Variants in ANK3 observed in about 807,000 individuals in gnomAD.
ANK3 encodes ankyrin 3.
Under a neutral mutation model 370.9 loss-of-function variants are expected in ANK3, and 57 were observed. That is an observed-to-expected ratio of 0.15 (90% confidence interval 0.12 to 0.19). The LOEUF (loss-of-function observed/expected upper bound fraction) is 0.19, where lower values mean the gene tolerates loss of function less well. ANK3 is among the 10% of genes least tolerant of loss of function. The pLI, the probability that ANK3 is intolerant of heterozygous loss-of-function variation, is 1.00. For missense variants in ANK3, 4,439 were observed against 5,302.1 expected (o/e 0.84, Z 5.06); for synonymous variants, 1,929 against 1,946.3 (o/e 0.99, Z 0.23).
Position 60,389,572 on chromosome 10 carries a change from G to C in ANK3, c.-34C>G. 1 of 1,609,036 alleles carries C rather than the reference G, an allele frequency of 6.2e-7. No individual in the cohort carries two copies. Among genetic ancestry groups the C allele is most frequent in the Non-Finnish European group, 8.5e-7 (1 of 1,178,626 alleles). The stretch of plus-strand genomic sequence containing the variant: ...TAAAAAGATCCTCTCAAGCACACAC[G>C]GCTTCCTTGTAAAAGGTGATATCCT... On this transcript the variant is annotated 5_prime_UTR_variant, in exon 1 of 44. Transcript: ENST00000280772.
At chr10:60,234,620 A>G in intron 8 of ANK3, 68 bp downstream of exon 8, 1 of 902,734 alleles carries the variant, frequency 1.1e-6, no homozygotes. Context: ...ATCAGTGCAA[A>G]GGTATCAGGA....
chr10:60,476,219 AT>A (rs1454838784), intron 2 of ANK3, among the ~76,000 whole-genome samples: 1 of 152,132 alleles, frequency 6.6e-6, no homozygotes, highest in Non-Finnish European at 1.5e-5. Context: ...GAAGTTCCAA[AT>A]TTTTTCTCCA....
At chr10:60,572,766 T>C in intron 2 of ANK3, 8 of 1,270,744 alleles carry the variant, frequency 6.3e-6, no homozygotes, top group Non-Finnish European at 7.9e-6. Flanking sequence ...AAACAGTCAA[T>C]TATTCTTCTA....
In ANK3 at chr10:60,084,738, T is replaced by G; in HGVS notation, c.3938A>C (p.Lys1313Thr). The G allele has an allele frequency of 1.9e-6, 3 of 1,613,636 alleles. 1 individual carries two copies. The highest frequency in any genetic ancestry group is 2.5e-6 in the Non-Finnish European group (3 of 1,179,820). ...RELICVPYMAKFVVFAKMNDP... is the reference protein window; with the variant it reads ...RELICVPYMATFVVFAKMNDP... ...ATTCATTTTGGCAAAAACAACAAAC[T>G]TGGCCATATATGGAACACATATCAA... The change falls in exon 32 of 44, where the codon AAG (lysine) becomes ACG (threonine). Residue 1313 changes from lysine to threonine, a missense_variant. Lys to Thr is a moderately conservative substitution (Grantham distance 78). Transcript: ENST00000280772.
In ANK3 at chr10:60,395,952, G is replaced by A. The variant is rs184961785; in HGVS notation, c.97-116313C>T. ...TGCTTTCTAGGTCAGATCTCTTTTC[G>A]CTACCCATGAAACTTACAATTTCAC... On this transcript the variant is annotated intron_variant, in intron 2 of 43. Coordinates refer to the ANK3 transcript ENST00000373827. 1.3e-3 allele frequency among the ~76,000 whole-genome samples: 205 copies of A among 152,174 alleles called. 2 individuals are homozygous for A. The highest frequency in any genetic ancestry group is 7.7e-3 in the Admixed American group (117 of 15,286).
rs1049118463 is a variant in ANK3 at position 60,571,375 on chromosome 10, G to A, written c.96+43811C>T. On this transcript the variant is annotated intron_variant, in intron 2 of 43. Coordinates refer to the ANK3 transcript ENST00000373827. ...TTTTAATTAATAATAAACAGATTATGAACATTTTTTTAAACGCCTGATATA... is the reference window on the plus strand; with the variant it reads ...TTTTAATTAATAATAAACAGATTATAAACATTTTTTTAAACGCCTGATATA... Among the ~76,000 whole-genome samples the A allele has an allele frequency of 3.3e-5, 5 of 152,132 alleles. No homozygotes were observed. The East Asian group carries it at 7.7e-4, about 23-fold the overall frequency.
chr10:60,720,560 C>A (rs1002998321), intron 1 of ANK3, among the ~76,000 whole-genome samples: 11 of 152,136 alleles, frequency 7.2e-5, no homozygotes, highest in African/African-American at 2.7e-4. Flanking sequence ...AACACATTTG[C>A]AAAATCTTAT....
intron 1 of ANK3, among the ~76,000 whole-genome samples, chr10:60,339,771 G>A (rs556169614): frequency 2.0e-5 from 3 of 152,166 alleles, no homozygotes; most frequent in Non-Finnish European, 4.4e-5. Context: ...AGAAGTGGAG[G>A]TAAAAATACT....
At chr10:60,167,974 C>T (rs1278258693) in intron 21 of ANK3, among the ~76,000 whole-genome samples, 1 of 152,076 alleles carries the variant, frequency 6.6e-6, no homozygotes, top group Non-Finnish European at 1.5e-5. Flanking sequence ...ATAGTATAGA[C>T]AGTTCCCATA....
At chr10:60,477,285 G>C (rs1258684859) in intron 2 of ANK3, among the ~76,000 whole-genome samples, 1 of 151,854 alleles carries the variant, frequency 6.6e-6, no homozygotes, top group African/African-American at 2.4e-5. Flanking sequence ...ATTTCTGTCT[G>C]GAAAAAGGAA....
chr10:60,441,326 A>G (rs2064294384), intron 2 of ANK3, among the ~76,000 whole-genome samples: 1 of 152,230 alleles, frequency 6.6e-6, no homozygotes, highest in Non-Finnish European at 1.5e-5. Flanking sequence ...GAAATCTAGG[A>G]TTGTTATCCT....
chr10:60,279,220 C>A, intron 2 of ANK3, 72 bp from the exon 3 acceptor site: 1 of 1,302,676 alleles, frequency 7.7e-7, no homozygotes. Flanking sequence ...ACCAAGAACT[C>A]CTGAGATATT....
intron 12 of ANK3, among the ~76,000 whole-genome samples, chr10:60,200,635 G>A (rs765734298): frequency 5.0e-5 from 7 of 140,138 alleles, no homozygotes; most frequent in African/African-American, 1.1e-4. Flanking sequence ...TCTGCAGCTC[G>A]CTGCTGTCAC....
At chr10:60,455,244 A>T (rs2064717070) in intron 2 of ANK3, among the ~76,000 whole-genome samples, 1 of 152,338 alleles carries the variant, frequency 6.6e-6, no homozygotes, top group South Asian at 2.1e-4. Flanking sequence ...CAAACTAGGC[A>T]TTATAGATAA....
chr10:60,656,012 G>T (rs755468674), intron 1 of ANK3, among the ~76,000 whole-genome samples: 2 of 152,152 alleles, frequency 1.3e-5, no homozygotes, highest in Non-Finnish European at 2.9e-5. Context: ...CTAGGTCTGT[G>T]TAAGTACACT....
At chr10:60,544,535 A>G (rs2076919327) in intron 2 of ANK3, among the ~76,000 whole-genome samples, 1 of 152,100 alleles carries the variant, frequency 6.6e-6, no homozygotes, top group Non-Finnish European at 1.5e-5. Context: ...AGGTTAACAA[A>G]TTCTTCCTTT....
intron 2 of ANK3, among the ~76,000 whole-genome samples, chr10:60,440,641 T>C (rs1012986976): frequency 1.3e-5 from 2 of 152,044 alleles, no homozygotes; most frequent in Admixed American, 6.6e-5. Flanking sequence ...CCACATCATG[T>C]AGGAAACAAT....
chr10:60,469,625 G>T (rs1270303017), intron 2 of ANK3, among the ~76,000 whole-genome samples: 1 of 1,774 alleles, frequency 5.6e-4, no homozygotes, highest in Non-Finnish European at 9.5e-4. Context: ...ATATATGGTG[G>T]TATATATATA....
chr10:60,564,081 G>C (rs1487568236), intron 2 of ANK3, among the ~76,000 whole-genome samples: 5 of 152,094 alleles, frequency 3.3e-5, no homozygotes, highest in African/African-American at 1.2e-4. Context: ...ATTAAGTACT[G>C]GAGGAGTCAA....
Sources: allele counts gnomAD v4.1 joint callset (sites outside exome capture counted in the v4.1 genomes callset), GRCh38; gene constraint gnomAD v4.1.1; transcripts MANE v1.5; gene names NCBI Gene and HGNC (gene_info 2026-07-23, HGNC 2026-07-21).